Variants in CUX1 observed in about 807,000 individuals in gnomAD.
The protein encoded by CUX1 is cut like homeobox 1, also known as protein CASP.
In CUX1, 31 loss-of-function variants were observed where a neutral mutation model predicts 158.8. That is an observed-to-expected ratio of 0.20 (90% CI 0.15 to 0.26). The LOEUF is 0.26. CUX1 is among the 10% of genes least tolerant of loss of function. The pLI is 1.00. For synonymous variants in CUX1, 879 were observed against 862.1 expected (o/e 1.02, Z -0.34); for missense variants, 1,589 against 2,014.6 (o/e 0.79, Z 4.04).
At position 102,037,401 on chromosome 7, in the gene CUX1, G is replaced by A. The variant is rs191718145; in HGVS notation, c.189+9256G>A. ...GAGTTTTGTTCTTGTTGCCCAGGCT[G>A]GAATGCAATGGCACGATCTTGGCTC... On this transcript the variant is annotated intron_variant, in intron 3 of 23. Transcript: ENST00000292535. Among the ~76,000 whole-genome samples, 50 of 145,496 alleles carry A rather than the reference G, an allele frequency of 3.4e-4. 2 individuals carry two copies. In the East Asian group the frequency reaches 0.01, roughly 29 times the overall value.
Position 102,249,430 on chromosome 7 carries a change from TTTTCAAGGAAGAA to T in CUX1, c.*389_*401del. 4 of 986,718 alleles carry T rather than the reference TTTTCAAGGAAGAA, an allele frequency of 4.1e-6. 1 individual carries two copies. The South Asian group carries it at 1.9e-4, about 46-fold the overall frequency. 61.1% of individuals were successfully genotyped at this position (986,718 alleles called of 1,614,324 possible). A position where few individuals can be genotyped will look rare whatever the true frequency, so the allele number is the denominator to read the frequency against. On this transcript the variant is annotated 3_prime_UTR_variant, in exon 24 of 24. Coordinates refer to ENST00000292535, the MANE Select transcript of CUX1 (RefSeq NM_181552.4). ...AGCATTAAGCCCAATCTATGTCGTG[TTTTCAAGGAAGAA>T]AACGGAAATGTGTGGTCGAGCTTTT...
intron 1 of CUX1, among the ~76,000 whole-genome samples, chr7:101,820,005 T>C (rs1792294693): frequency 6.6e-6 from 1 of 152,240 alleles, no homozygotes; most frequent in African/African-American, 2.4e-5. Flanking sequence ...AAACCTTTAA[T>C]GGCTATTTAA....
chr7:102,233,485 G>A (rs1311517506), intron 21 of CUX1, among the ~76,000 whole-genome samples: 1 of 152,112 alleles, frequency 6.6e-6, no homozygotes, highest in African/African-American at 2.4e-5. Context: ...CCAGGCTGAA[G>A]GCTTAAGAGA....
chr7:102,106,079 C>CTTTTTTT (rs782580660), intron 6 of CUX1, among the ~76,000 whole-genome samples: 796 of 72,298 alleles, frequency 0.011, 7 homozygotes, highest in Non-Finnish European at 0.014. Context: ...TTTCTTTTTT[C>CTTTTTTT]TTTTTTTTTT....
chr7:102,026,272 CCAGCAACGGGTGG>C (rs1335316098), intron 2 of CUX1, among the ~76,000 whole-genome samples: 1 of 152,076 alleles, frequency 6.6e-6, no homozygotes, highest in Non-Finnish European at 1.5e-5. Context: ...GCAGTAGCCA[CCAGCAACGGGTGG>C]CTACCGAATC....
At chr7:102,142,228 A>C (rs1422384158) in intron 8 of CUX1, among the ~76,000 whole-genome samples, 2 of 152,190 alleles carry the variant, frequency 1.3e-5, no homozygotes, top group African/African-American at 4.8e-5. Context: ...GATTTGGCGC[A>C]TTCTTGGGCA....
chr7:102,018,867 A>G (rs1818995575), intron 2 of CUX1, among the ~76,000 whole-genome samples: 1 of 152,210 alleles, frequency 6.6e-6, no homozygotes, highest in Admixed American at 6.5e-5. Flanking sequence ...ATCATCACAC[A>G]TCGCAGGCAT....
At chr7:102,183,795 A>G (rs1477227085) in intron 11 of CUX1, among the ~76,000 whole-genome samples, 3 of 152,238 alleles carry the variant, frequency 2.0e-5, no homozygotes, top group Non-Finnish European at 4.4e-5. Flanking sequence ...CCCCACGGTC[A>G]GAATTTTATG....
At chr7:101,855,360 G>A (rs1293458207) in intron 1 of CUX1, among the ~76,000 whole-genome samples, 1 of 152,196 alleles carries the variant, frequency 6.6e-6, no homozygotes, top group African/African-American at 2.4e-5. Context: ...GTGAGGGGCC[G>A]TGTCCTCCGA....
At chr7:102,103,893 C>T (rs1554487448) in intron 5 of CUX1, among the ~76,000 whole-genome samples, 1 of 152,054 alleles carries the variant, frequency 6.6e-6, no homozygotes, top group African/African-American at 2.4e-5. Flanking sequence ...TTCTTGACTC[C>T]ACTTCGATTG....
At chr7:101,991,802 A>C (rs1158822668) in intron 2 of CUX1, among the ~76,000 whole-genome samples, 3 of 151,478 alleles carry the variant, frequency 2.0e-5, no homozygotes, top group Non-Finnish European at 4.4e-5. Flanking sequence ...GGCACCATGC[A>C]CACACCTATA....
exon 17 of CUX1, chr7:102,275,249 C>A: frequency 1.2e-6 from 2 of 1,606,570 alleles, no homozygotes; most frequent in African/African-American, 1.3e-5. Context: ...CCTGCTAGGA[C>A]CTGCAGCACC....
chr7:102,062,304 G>A (rs1006489159), intron 3 of CUX1, among the ~76,000 whole-genome samples: 1 of 152,076 alleles, frequency 6.6e-6, no homozygotes, highest in Non-Finnish European at 1.5e-5. Flanking sequence ...AGTTGGGAGC[G>A]GCAGCAGCAT....
intron 1 of CUX1, among the ~76,000 whole-genome samples, chr7:101,884,644 T>C (rs765253262): frequency 1.3e-5 from 2 of 152,162 alleles, no homozygotes; most frequent in Non-Finnish European, 2.9e-5. Flanking sequence ...TACATAATGA[T>C]TGTCAGTTTC....
At chr7:102,120,908 T>C (rs1407437687) in intron 8 of CUX1, among the ~76,000 whole-genome samples, 1 of 151,948 alleles carries the variant, frequency 6.6e-6, no homozygotes, top group East Asian at 1.9e-4. Context: ...TACCAAAAAA[T>C]ACAAAAATTA....
chr7:102,189,109 C>G (rs1793984665), intron 11 of CUX1, among the ~76,000 whole-genome samples: 1 of 152,120 alleles, frequency 6.6e-6, no homozygotes, highest in Admixed American at 6.5e-5. Context: ...TGCCCTGATG[C>G]CTATCTGATG....
chr7:101,950,663 A>T (rs1463147262), intron 2 of CUX1, among the ~76,000 whole-genome samples: 7 of 152,328 alleles, frequency 4.6e-5, no homozygotes, highest in Admixed American at 3.3e-4. Flanking sequence ...AGAGTTGAGT[A>T]GTTGCAACAG....
intron 3 of CUX1, among the ~76,000 whole-genome samples, chr7:102,040,280 T>C (rs1451958390): frequency 2.6e-5 from 4 of 152,096 alleles, no homozygotes; most frequent in African/African-American, 4.8e-5. Context: ...CCAGGGAGGA[T>C]GACGGAACAT....
At position 101,839,426 on chromosome 7, in the gene CUX1, G is replaced by A. The variant is rs142508016; in HGVS notation, c.30+21757G>A. Among the ~76,000 whole-genome samples the A allele has an allele frequency of 2.9e-3, 446 of 152,242 alleles. 2 individuals carry two copies. Among genetic ancestry groups the A allele is most frequent in the African/African-American group, 0.01 (426 of 41,536 alleles). ...TTCTTTCACGAAGCACCTCCAGATC[G>A]CTTCCCAGCGTGGCTGCCCCACTTA... On this transcript the variant is annotated intron_variant, in intron 1 of 23. Coordinates refer to ENST00000292535, the MANE Select transcript of CUX1 (RefSeq NM_181552.4).
Sources: gnomAD v4.1 joint callset for allele counts (sites outside exome capture counted in the v4.1 genomes callset) on GRCh38, gnomAD v4.1.1 for gene constraint, MANE v1.5 for transcripts, NCBI Gene and HGNC (gene_info 2026-07-23, HGNC 2026-07-21) for gene names.